LTN1: variants seen among roughly 807,000 people sequenced by gnomAD.
LTN1 encodes the protein listerin E3 ubiquitin protein ligase 1, also known as E3 ubiquitin-protein ligase listerin.
LTN1 carries 88 observed loss-of-function variants against 201.2 expected under a neutral mutation model. That is an observed-to-expected ratio of 0.44 (90% CI 0.37 to 0.52). LTN1 has a LOEUF of 0.52. Ranked by LOEUF, LTN1 falls within the 20% of genes least tolerant of loss-of-function variation. The pLI is 0.00. For missense variants in LTN1, 1,752 were observed against 2,038.7 expected, an observed-to-expected ratio of 0.86 and a Z score of 2.71; for synonymous variants, 645 against 713.5, an observed-to-expected ratio of 0.90 and a Z score of 1.53.
intron 5 of LTN1, among the ~76,000 whole-genome samples, chr21:28,981,615 T>C (rs1472051921): frequency 6.6e-6 from 1 of 152,180 alleles, no homozygotes; most frequent in East Asian, 1.9e-4. Context: ...CTATTTTCCC[T>C]CAAGGACTCT....
Position 28,945,774 on chromosome 21 carries a change from C to T in LTN1, c.3768+33G>A, listed in dbSNP as rs781080627. On this transcript the variant is annotated intron_variant, in intron 21 of 29. Transcript: ENST00000361371. Reference sequence around the variant, plus strand: ...TGATGCAAAAGTATGTACAAAAACCCACAAGAGGTGATGACATATCGGGTT... The same window carrying T: ...TGATGCAAAAGTATGTACAAAAACCTACAAGAGGTGATGACATATCGGGTT... 6 of 1,586,634 alleles carry T rather than the reference C, an allele frequency of 3.8e-6. No individual in the cohort carries two copies. The South Asian group carries it at 6.9e-5, about 18-fold the overall frequency.
intron 1 of LTN1, among the ~76,000 whole-genome samples, chr21:28,988,154 AAACAAC>A (rs2084714269): frequency 6.9e-6 from 1 of 145,742 alleles, no homozygotes; most frequent in Non-Finnish European, 1.5e-5. Context: ...AAAAAAAAAA[AAACAAC>A]AAAAAAAAAC....
chr21:28,974,782 A>C (rs772991503), intron 6 of LTN1, among the ~76,000 whole-genome samples: 2 of 152,242 alleles, frequency 1.3e-5, no homozygotes, highest in South Asian at 2.1e-4. Flanking sequence ...ATGCATGTGC[A>C]CTCCACTATG....
intron 15 of LTN1, among the ~76,000 whole-genome samples, 190 bp downstream of exon 15, chr21:28,957,142 C>G (rs1601185318): frequency 6.6e-6 from 1 of 152,140 alleles, no homozygotes; most frequent in East Asian, 1.9e-4. Context: ...AGTCTTTGTA[C>G]CATGCCCACT....
At chr21:28,987,139 T>C (rs1359514447) in intron 1 of LTN1, among the ~76,000 whole-genome samples, 1 of 152,256 alleles carries the variant, frequency 6.6e-6, no homozygotes, top group Non-Finnish European at 1.5e-5. Flanking sequence ...CTAGAAATTA[T>C]TCTGTTTCTT....
Position 28,930,444 on chromosome 21 carries a change from A to C in LTN1, c.*4T>G. 6.2e-7 allele frequency: 1 copy of C among 1,610,146 alleles called. No homozygotes were observed. ...TTCAGGGATCCCTTCCAGTGAAAAA[A>C]ATCTCAGAAAAACGTCTCACGACAC... On this transcript the variant is annotated 3_prime_UTR_variant, in exon 30 of 30. Coordinates refer to ENST00000361371, the MANE Select transcript of LTN1 (RefSeq NM_015565.3).
At chr21:28,959,747 A>G in intron 12 of LTN1, 50 bp from the exon 13 acceptor site, 2 of 1,394,224 alleles carry the variant, frequency 1.4e-6, no homozygotes, top group Non-Finnish European at 1.9e-6. Flanking sequence ...ATTAACGTGT[A>G]TTTTTAAATA....
chr21:28,963,882 A>T (rs138855384), intron 11 of LTN1, among the ~76,000 whole-genome samples: 11 of 152,328 alleles, frequency 7.2e-5, no homozygotes, highest in Non-Finnish European at 1.6e-4. Context: ...TGAGAGGTTC[A>T]AGACTTTAGT....
rs528299795 is a variant in LTN1, at chr21:28,935,488, T to C, written c.4655-159A>G. 4.6e-5 allele frequency among the ~76,000 whole-genome samples: 7 copies of C among 152,288 alleles called. No individual in the cohort carries two copies. In the South Asian group the frequency reaches 1.5e-3, roughly 32 times the overall value. On this transcript the variant is annotated intron_variant, in intron 26 of 29. Coordinates refer to ENST00000361371, the MANE Select transcript of LTN1 (RefSeq NM_015565.3). The stretch of plus-strand genomic sequence containing the variant: ...CCAGAGAAACCAGAACTCTGGAGTA[T>C]GAGCATCTTTCCACACATTCAAAAT...
In LTN1 at chr21:28,932,559, T is replaced by C. The variant is rs758105842; in HGVS notation, c.4981A>G (p.Ile1661Val). ...QLPSNYPLGS[I>V]IVESGKRVGV... Reference sequence around the variant, plus strand: ...ACTCTTTTCCCACTTTCTACTATTATTGAACCCAGTGGATAATTTGAAGGC... The same window carrying C: ...ACTCTTTTCCCACTTTCTACTATTACTGAACCCAGTGGATAATTTGAAGGC... Residue 1661 changes from isoleucine (I) to valine (V), a missense_variant, in exon 28 of 30, where the codon ATA (isoleucine) becomes GTA (valine). Transcript: ENST00000361371. The C allele has an allele frequency of 6.8e-6, 11 of 1,613,954 alleles. No individual in the cohort carries two copies. Among genetic ancestry groups the C allele is most frequent in the South Asian group, 1.1e-5 (1 of 91,080 alleles).
chr21:28,935,117 C>T lies in LTN1; in HGVS notation c.4867G>A (p.Gly1623Ser). 6.2e-7 allele frequency: 1 copy of T among 1,601,560 alleles called. No individual in the cohort carries two copies. ...GTCAAGACAATACTAACCGTCATGC[C>T]ATTAAATAGTTGTGTACTTGTTTGT... is the stretch of plus-strand genomic sequence containing the variant. ...SVQTSTQLFNGMTVKARATTR... is the reference protein window; with the variant it reads ...SVQTSTQLFNSMTVKARATTR... The change falls in exon 27 of 30, where the codon GGC (glycine) becomes AGC (serine). Residue 1623 changes from glycine (G) to serine (S), a missense_variant. By Grantham distance (56) the Gly-to-Ser change is moderately conservative. Coordinates refer to ENST00000361371, the MANE Select transcript of LTN1 (RefSeq NM_015565.3).
rs1461834740 is a variant in LTN1, at chr21:28,928,986, T to C, written c.*1462A>G. Reference sequence around the variant, plus strand: ...CGAGGTAGTAAAATTTTGCTATCTGTACTTCACTTACTGACCCTCAGAGGC... The same window carrying C: ...CGAGGTAGTAAAATTTTGCTATCTGCACTTCACTTACTGACCCTCAGAGGC... On this transcript the variant is annotated 3_prime_UTR_variant, in exon 30 of 30. Coordinates refer to ENST00000361371, the MANE Select transcript of LTN1 (RefSeq NM_015565.3). 6.6e-6 allele frequency: 1 copy of C among 152,590 alleles called. No individual in the cohort carries two copies. The highest frequency in any genetic ancestry group is 1.5e-5 in the Non-Finnish European group (1 of 67,994). 9.5% of individuals were successfully genotyped at this position (152,590 alleles called of 1,614,324 possible).
In LTN1 at chr21:28,967,011, G is replaced by A. The variant is rs746578935; in HGVS notation, c.1480C>T (p.Leu494=). 2 of 1,614,090 alleles carry A rather than the reference G, an allele frequency of 1.2e-6. No homozygotes were observed. Among genetic ancestry groups the A allele is most frequent in the Non-Finnish European group, 8.5e-7 (1 of 1,180,014 alleles). The change falls in exon 10 of 30, where the codon CTG becomes TTG. Residue 494 remains leucine, a synonymous_variant. Transcript: ENST00000361371. ...ATTTTCGCAACACAGATCTCTGACA[G>A]TCTTTCCCAGAAATGTATCAGTACG... is the stretch of plus-strand genomic sequence containing the variant. ...ENVLIHFWER[L]SEICVAKISE...
rs185827957 is a variant in LTN1, at chr21:28,948,932, A to C, written c.3345-1326T>G. Among the ~76,000 whole-genome samples the C allele has an allele frequency of 1.7e-3, 259 of 152,338 alleles. 5 individuals carry two copies. The highest frequency in any genetic ancestry group is 1.6e-4 in the Non-Finnish European group (11 of 68,022). On this transcript the variant is annotated intron_variant, in intron 18 of 29. Transcript: ENST00000361371. ...TGGAATTGAAAGCTCAAAGGATTTG[A>C]ATGTATTATATGTTGGTGATCTCAA...
intron 22 of LTN1, 125 bp from the exon 23 acceptor site, chr21:28,944,029 G>A (rs1322350829): frequency 4.5e-6 from 3 of 663,798 alleles, no homozygotes; most frequent in East Asian, 5.2e-5. Context: ...CAATAAAGCA[G>A]TCTTAACTAG....
chr21:28,938,146 A>C (rs2084270515), intron 25 of LTN1, among the ~76,000 whole-genome samples: 2 of 152,314 alleles, frequency 1.3e-5, no homozygotes, highest in African/African-American at 2.4e-5. Context: ...AGAGAAGAAA[A>C]TAAAACTATA....
intron 6 of LTN1, among the ~76,000 whole-genome samples, chr21:28,976,755 C>T (rs1307591454): frequency 6.6e-6 from 1 of 152,090 alleles, no homozygotes; most frequent in Non-Finnish European, 1.5e-5. Context: ...AACAAATGTA[C>T]TGGAATTTGT....
At chr21:28,946,820 A>G (rs1480328479) in intron 19 of LTN1, among the ~76,000 whole-genome samples, 1 of 152,140 alleles carries the variant, frequency 6.6e-6, no homozygotes, top group Non-Finnish European at 1.5e-5. Context: ...TCTATCTTAC[A>G]TACCAGCCAA....
At chr21:28,962,901 T>C (rs1439404103) in intron 11 of LTN1, among the ~76,000 whole-genome samples, 2 of 152,198 alleles carry the variant, frequency 1.3e-5, no homozygotes, top group Non-Finnish European at 2.9e-5. Context: ...AAAGTTTTAG[T>C]GGTCCAGACA....
Sources: gnomAD v4.1 joint callset for allele counts (sites outside exome capture counted in the v4.1 genomes callset) on GRCh38, gnomAD v4.1.1 for gene constraint, MANE v1.5 for transcripts, NCBI Gene and HGNC (gene_info 2026-07-23, HGNC 2026-07-21) for gene names.